STX7: variants seen among roughly 807,000 people sequenced by gnomAD.
STX7 encodes the protein syntaxin-7.
A neutral mutation model predicts 39.6 loss-of-function variants in STX7; 34 were observed. The observed-to-expected ratio is 0.86, with a 90% CI of 0.65 to 1.14. The LOEUF (loss-of-function observed/expected upper bound fraction) is 1.14. Ranked by LOEUF, STX7 falls within the 50% of genes most tolerant of loss-of-function variation. The probability of loss-of-function intolerance (pLI) is 0.00; values close to 1 mark genes in which losing one functional copy is unlikely to be tolerated. For missense variants in STX7, 284 were observed against 310.4 expected (o/e 0.92, Z 0.64); for synonymous variants, 119 against 99.1 (o/e 1.20, Z -1.19).
intron 2 of STX7, among the ~76,000 whole-genome samples, chr6:132,487,309 G>A (rs1406754693): frequency 2.6e-5 from 4 of 152,146 alleles, no homozygotes; most frequent in Non-Finnish European, 5.9e-5. Context: ...TAAAAAAAAT[G>A]AGTTCATGTC....
At chr6:132,484,168 A>T (rs944432874) in intron 2 of STX7, among the ~76,000 whole-genome samples, 18 of 152,158 alleles carry the variant, frequency 1.2e-4, no homozygotes, top group African/African-American at 4.3e-4. Flanking sequence ...CTGTACCACT[A>T]CTCACTTCCA....
At chr6:132,461,589 C>T (rs781332508) in intron 9 of STX7, 7 of 416,918 alleles carry the variant, frequency 1.7e-5, no homozygotes, top group African/African-American at 8.0e-5. Context: ...GGATTACAGG[C>T]GTGAGCCACC....
At chr6:132,507,326 G>A (rs570829418) in intron 1 of STX7, among the ~76,000 whole-genome samples, 1 of 152,266 alleles carries the variant, frequency 6.6e-6, no homozygotes, top group African/African-American at 2.4e-5. Context: ...AATTTATTGA[G>A]ATATGGCAAT....
At chr6:132,480,582 T>C (rs1465990065) in intron 2 of STX7, among the ~76,000 whole-genome samples, 2 of 152,194 alleles carry the variant, frequency 1.3e-5, no homozygotes, top group Non-Finnish European at 2.9e-5. Flanking sequence ...GAGGTAATTA[T>C]TAAGCGGAAT....
At chr6:132,505,432 G>A (rs915410207) in intron 1 of STX7, among the ~76,000 whole-genome samples, 12 of 152,282 alleles carry the variant, frequency 7.9e-5, no homozygotes, top group African/African-American at 1.2e-4. Flanking sequence ...GCCTGGCCAC[G>A]CTGAAAGTCC....
At position 132,456,026 on chromosome 6, in the gene STX7, T is replaced by C. The variant is rs1045042700; in HGVS notation, c.*4732A>G. On this transcript the variant is annotated 3_prime_UTR_variant, in exon 10 of 10. Transcript: ENST00000367941. ...AAATTCCCCTTGGATCTCACCCTTC[T>C]GTCTAGTGCTTTGCCCTCTATTTGG... 3 of 152,218 alleles carry C rather than the reference T, an allele frequency of 2.0e-5. No homozygotes were observed. The highest frequency in any genetic ancestry group is 2.9e-5 in the Non-Finnish European group (2 of 68,042). The allele number at this position is 152,218 out of a possible 1,614,324, so 9.4% of individuals were successfully genotyped here. A position where few individuals can be genotyped will look rare whatever the true frequency, so the allele number is the denominator to read the frequency against.
intron 2 of STX7, among the ~76,000 whole-genome samples, chr6:132,483,801 T>C (rs956810553): frequency 6.6e-6 from 1 of 152,068 alleles, no homozygotes; most frequent in Admixed American, 6.6e-5. Context: ...AAAATAAGCT[T>C]AGAGAAAGGG....
At position 132,503,583 on chromosome 6, in the gene STX7, A is replaced by C. The variant is rs531044281; in HGVS notation, c.-53T>G. The C allele has an allele frequency of 1.8e-5, 25 of 1,386,862 alleles. No individual in the cohort carries two copies. In the African/African-American group the frequency reaches 3.4e-4, roughly 19 times the overall value. The allele number at this position is 1,386,862 out of a possible 1,614,324, so 85.9% of individuals were successfully genotyped here. On this transcript the variant is annotated 5_prime_UTR_variant, in exon 2 of 10. Coordinates refer to ENST00000367941, the MANE Select transcript of STX7 (RefSeq NM_003569.3). ...TCAGATGCTGTGCAGTTTTCTAAGC[A>C]GTCACCTAAATAATATAAAAGTCAC...
chr6:132,468,313 G>C, intron 8 of STX7, 90 bp downstream of exon 8: 1 of 991,646 alleles, frequency 1.0e-6, no homozygotes, highest in Non-Finnish European at 1.6e-6. Flanking sequence ...AAAAGGGACA[G>C]AAAGTGGTTA....
intron 2 of STX7, among the ~76,000 whole-genome samples, chr6:132,502,713 C>A (rs2114472438): frequency 6.6e-6 from 1 of 152,106 alleles, no homozygotes; most frequent in East Asian, 1.9e-4. Context: ...TCCTGGCTAA[C>A]ACGGTGAAAC....
chr6:132,490,183 A>AC (rs976904173), intron 2 of STX7, among the ~76,000 whole-genome samples: 2 of 152,128 alleles, frequency 1.3e-5, no homozygotes, highest in African/African-American at 4.8e-5. Context: ...CAATTCCCCA[A>AC]CCCCGCTGAC....
intron 2 of STX7, among the ~76,000 whole-genome samples, chr6:132,483,573 T>A (rs9493330): frequency 0.016 from 2,477 of 152,310 alleles, 54 homozygotes; most frequent in African/African-American, 0.054. Context: ...GCTGCTCTTA[T>A]ACTAATTTAG....
At chr6:132,503,230 T>C (rs974305242) in intron 2 of STX7, among the ~76,000 whole-genome samples, 1 of 152,242 alleles carries the variant, frequency 6.6e-6, no homozygotes, top group Non-Finnish European at 1.5e-5. Flanking sequence ...TAATGTATTA[T>C]GTGCCTGGCC....
At chr6:132,484,411 C>CTGAATT in intron 2 of STX7, among the ~76,000 whole-genome samples, 1 of 152,180 alleles carries the variant, frequency 6.6e-6, no homozygotes, top group Non-Finnish European at 1.5e-5. Flanking sequence ...AAATTGTAGG[C>CTGAATT]TGAATTTGGT....
chr6:132,472,836 G>T (rs1449574739), intron 3 of STX7, among the ~76,000 whole-genome samples: 1 of 151,164 alleles, frequency 6.6e-6, no homozygotes, highest in African/African-American at 2.4e-5. Flanking sequence ...ATGTGAACAT[G>T]TATATGCTAT....
chr6:132,508,984 T>G (rs886087584), intron 1 of STX7, among the ~76,000 whole-genome samples: 1 of 152,228 alleles, frequency 6.6e-6, no homozygotes, highest in East Asian at 1.9e-4. Context: ...GCCTATCATG[T>G]GGGTATAATT....
At chr6:132,507,366 A>C (rs1010211132) in intron 1 of STX7, among the ~76,000 whole-genome samples, 1 of 152,258 alleles carries the variant, frequency 6.6e-6, no homozygotes, top group Non-Finnish European at 1.5e-5. Flanking sequence ...TACACAAGCC[A>C]ATGGTTTTTA....
rs1252232834 is a variant in STX7, at chr6:132,454,411, T to C, written c.*6347A>G. 1 of 152,126 alleles carries C rather than the reference T, an allele frequency of 6.6e-6. No homozygotes were observed. Among genetic ancestry groups the C allele is most frequent in the Admixed American group, 6.6e-5 (1 of 15,260 alleles). 9.4% of individuals were successfully genotyped at this position (152,126 alleles called of 1,614,324 possible). Reference sequence around the variant, plus strand: ...CAGTGTCAGTATCCTGGGTATGATATTGTATGACAGTTTTGAAAGATGTTC... The same window carrying C: ...CAGTGTCAGTATCCTGGGTATGATACTGTATGACAGTTTTGAAAGATGTTC... On this transcript the variant is annotated 3_prime_UTR_variant, in exon 10 of 10. Transcript: ENST00000367941.
chr6:132,497,307 A>G (rs1477900899), intron 2 of STX7, among the ~76,000 whole-genome samples: 1 of 152,216 alleles, frequency 6.6e-6, no homozygotes, highest in Admixed American at 6.5e-5. Flanking sequence ...AAGAAGCCCA[A>G]CATAAAATAA....
Sources: allele counts gnomAD v4.1 joint callset (sites outside exome capture counted in the v4.1 genomes callset), GRCh38; gene constraint gnomAD v4.1.1; transcripts MANE v1.5; gene names NCBI Gene and HGNC (gene_info 2026-07-23, HGNC 2026-07-21).